The following GMDS variants were observed in gnomAD, a reference collection of about 807,000 sequenced individuals.
The protein encoded by GMDS is GDP-mannose 4,6-dehydratase.
Under a neutral mutation model 49.9 loss-of-function variants are expected in GMDS, and 20 were observed. That is an observed-to-expected ratio of 0.40 (90% confidence interval 0.28 to 0.58). GMDS has a LOEUF of 0.58. GMDS is among the 20% of genes least tolerant of loss of function. The probability of loss-of-function intolerance (pLI) is 0.42; values close to 1 mark genes in which losing one functional copy is unlikely to be tolerated. For synonymous variants in GMDS, 177 were observed against 178.6 expected (o/e 0.99, Z 0.07); for missense variants, 362 against 481.4 (o/e 0.75, Z 2.32).
chr6:1,996,169 C>G (rs1766268741), intron 4 of GMDS, among the ~76,000 whole-genome samples: 1 of 151,382 alleles, frequency 6.6e-6, no homozygotes, highest in Non-Finnish European at 1.5e-5. Flanking sequence ...CCTCCTTCCT[C>G]TTTCTCATTC....
chr6:2,059,825 A>G (rs548979151), intron 4 of GMDS, among the ~76,000 whole-genome samples: 2 of 151,642 alleles, frequency 1.3e-5, no homozygotes, highest in East Asian at 3.9e-4. Flanking sequence ...TAATTCTGAC[A>G]GGGCGAAGCT....
intron 4 of GMDS, among the ~76,000 whole-genome samples, chr6:2,113,664 AC>A (rs1436799429): frequency 1.3e-5 from 2 of 151,528 alleles, no homozygotes; most frequent in Admixed American, 1.3e-4. Flanking sequence ...CTATCCATCT[AC>A]CCCCAGACGG....
chr6:2,066,879 C>T (rs1397320999), intron 4 of GMDS, among the ~76,000 whole-genome samples: 2 of 151,586 alleles, frequency 1.3e-5, no homozygotes, highest in Admixed American at 1.3e-4. Flanking sequence ...AACAAGGATA[C>T]CCAGGAATTG....
Position 1,807,528 on chromosome 6 carries a change from T to C in GMDS, c.772-64942A>G, listed in dbSNP as rs564388599. 2.6e-5 allele frequency among the ~76,000 whole-genome samples: 4 copies of C among 152,346 alleles called. No homozygotes were observed. In the South Asian group the frequency reaches 8.3e-4, roughly 32 times the overall value. ...ATGAGGGCAGAAACTGTGTCCATTT[T>C]TCACCCTTGTTTTGACAATACCTAT... On this transcript the variant is annotated intron_variant, in intron 7 of 10. Coordinates refer to ENST00000380815, the MANE Select transcript of GMDS (RefSeq NM_001500.4).
intron 9 of GMDS, among the ~76,000 whole-genome samples, chr6:1,713,318 T>C (rs1254680064): frequency 6.6e-6 from 1 of 152,248 alleles, no homozygotes; most frequent in Non-Finnish European, 1.5e-5. Flanking sequence ...TTTCACCTCC[T>C]TCCTGGGAAG....
At chr6:2,184,823 T>A (rs1002478110) in intron 1 of GMDS, among the ~76,000 whole-genome samples, 5 of 152,246 alleles carry the variant, frequency 3.3e-5, no homozygotes, top group African/African-American at 1.2e-4. Context: ...TCTGTGTTTA[T>A]ACCATTGGGA....
At chr6:2,046,935 CATAA>C (rs899322567) in intron 4 of GMDS, among the ~76,000 whole-genome samples, 1 of 152,168 alleles carries the variant, frequency 6.6e-6, no homozygotes, top group African/African-American at 2.4e-5. Context: ...CCAACTCCAT[CATAA>C]TCCTTACATG....
At chr6:2,198,443 T>C (rs1232554256) in intron 1 of GMDS, among the ~76,000 whole-genome samples, 1 of 152,154 alleles carries the variant, frequency 6.6e-6, no homozygotes, top group African/African-American at 2.4e-5. Context: ...CCCCTTCAAT[T>C]CTGTTTTTCT....
At chr6:1,680,327 AG>A (rs1286966967) in intron 9 of GMDS, among the ~76,000 whole-genome samples, 2 of 152,224 alleles carry the variant, frequency 1.3e-5, no homozygotes, top group Non-Finnish European at 2.9e-5. Context: ...CTAAGTCATC[AG>A]GTTAATGAAC....
chr6:1,744,936 C>T lies in GMDS; in HGVS notation c.772-2350G>A, dbSNP rs951602180. 3.3e-5 allele frequency among the ~76,000 whole-genome samples: 5 copies of T among 152,384 alleles called. No individual in the cohort carries two copies. The East Asian group carries it at 7.7e-4, about 24-fold the overall frequency. On this transcript the variant is annotated intron_variant, in intron 7 of 10. Coordinates refer to ENST00000380815, the MANE Select transcript of GMDS (RefSeq NM_001500.4). ...CCCAACTAAGCTGAGCCTCCCACTTCACCCAAGTGGGCGCACGAGTGTACC... is the reference window on the plus strand; with the variant it reads ...CCCAACTAAGCTGAGCCTCCCACTTTACCCAAGTGGGCGCACGAGTGTACC...
At chr6:1,750,688 T>C (rs969053975) in intron 7 of GMDS, among the ~76,000 whole-genome samples, 11 of 151,894 alleles carry the variant, frequency 7.2e-5, no homozygotes, top group Non-Finnish European at 1.2e-4. Context: ...TTTTTTTTCA[T>C]ATCCTAGTGG....
At chr6:2,244,434 C>A (rs1031544693) in intron 1 of GMDS, among the ~76,000 whole-genome samples, 6 of 152,138 alleles carry the variant, frequency 3.9e-5, no homozygotes, top group Admixed American at 2.6e-4. Flanking sequence ...CCCAGAGATA[C>A]CCAGGAGCAC....
At chr6:1,728,024 G>C (rs1002537948) in intron 8 of GMDS, among the ~76,000 whole-genome samples, 1 of 152,196 alleles carries the variant, frequency 6.6e-6, no homozygotes, top group East Asian at 1.9e-4. Context: ...GAATTTCAAA[G>C]CAAGGGAATT....
rs568398984 is a variant in GMDS at position 1,648,342 on chromosome 6, A to C, written c.988-23802T>G. Among the ~76,000 whole-genome samples the C allele has an allele frequency of 3.2e-4, 49 of 152,326 alleles. 1 individual carries two copies. The highest frequency in any genetic ancestry group is 1.0e-3 in the African/African-American group (43 of 41,576). ...ACATTTCAGGTTCTACCTTGGTCGG[A>C]AGGAAACCTTTCTCTCCAGCGTCAT... On this transcript the variant is annotated intron_variant, in intron 9 of 10. Transcript: ENST00000380815.
chr6:1,842,782 T>C (rs1296844557), intron 7 of GMDS, among the ~76,000 whole-genome samples: 1 of 152,156 alleles, frequency 6.6e-6, no homozygotes, highest in Admixed American at 6.5e-5. Flanking sequence ...CTTTCAAAGG[T>C]TGCAATGAGG....
chr6:1,955,680 AG>A (rs1763596850), intron 6 of GMDS, among the ~76,000 whole-genome samples: 1 of 152,110 alleles, frequency 6.6e-6, no homozygotes. Context: ...ATGCTAGCAT[AG>A]GTGATTCTTA....
chr6:1,790,949 T>C (rs1467392992), intron 7 of GMDS, among the ~76,000 whole-genome samples: 1 of 152,098 alleles, frequency 6.6e-6, no homozygotes, highest in Non-Finnish European at 1.5e-5. Context: ...TGGGGAGTGA[T>C]CCCGGCTGTC....
intron 4 of GMDS, among the ~76,000 whole-genome samples, chr6:2,075,512 G>A (rs765578594): frequency 1.3e-5 from 2 of 152,058 alleles, no homozygotes; most frequent in Non-Finnish European, 2.9e-5. Context: ...GCGATGTTTG[G>A]TTTTTGTCCT....
intron 7 of GMDS, among the ~76,000 whole-genome samples, chr6:1,870,119 C>T (rs1032661207): frequency 4.6e-5 from 7 of 152,198 alleles, no homozygotes; most frequent in African/African-American, 1.7e-4. Context: ...TCTGCCAGCA[C>T]GGTGTCTCTG....
Sources: gnomAD v4.1 joint callset for allele counts (sites outside exome capture counted in the v4.1 genomes callset) on GRCh38, gnomAD v4.1.1 for gene constraint, MANE v1.5 for transcripts, NCBI Gene and HGNC (gene_info 2026-07-23, HGNC 2026-07-21) for gene names.